BLOC1S2: variants seen among roughly 807,000 people sequenced by gnomAD.
The protein encoded by BLOC1S2 is biogenesis of lysosome-related organelles complex 1 subunit 2.
BLOC1S2 carries 12 observed loss-of-function variants against 19.6 expected under a neutral mutation model. That is an observed-to-expected ratio of 0.61 (90% confidence interval 0.39 to 0.99). BLOC1S2 has a LOEUF of 0.99. Among genes scored for constraint, BLOC1S2 ranks in the 50% least tolerant of loss-of-function variants. The pLI, the probability that BLOC1S2 is intolerant of heterozygous loss-of-function variation, is 0.00. For synonymous variants in BLOC1S2, 66 were observed against 64.1 expected (o/e 1.03, Z -0.14); for missense variants, 142 against 171.0 (o/e 0.83, Z 0.95).
intron 4 of BLOC1S2, among the ~76,000 whole-genome samples, chr10:100,275,925 A>T (rs535580835): frequency 9.2e-5 from 14 of 152,196 alleles, no homozygotes; most frequent in Admixed American, 2.0e-4. Context: ...CCAGGAAAGC[A>T]ATTTTGAAAG....
rs1589644175 is a variant in BLOC1S2, at chr10:100,273,834, T to G, written c.*1628A>C. 3 of 111,402 alleles carry G rather than the reference T, an allele frequency of 2.7e-5. No individual in the cohort carries two copies. The highest frequency in any genetic ancestry group is 1.1e-4 in the African/African-American group (3 of 26,232). The allele number at this position is 111,402 out of a possible 1,614,324, so 6.9% of individuals were successfully genotyped here. Reference sequence around the variant, plus strand: ...CCAGGCGACAGAGCAAGACTTCATCTCAAAAAAAAAAAAAAAATAGATCAA... The same window carrying G: ...CCAGGCGACAGAGCAAGACTTCATCGCAAAAAAAAAAAAAAAATAGATCAA... On this transcript the variant is annotated 3_prime_UTR_variant, in exon 5 of 5. Transcript: ENST00000370372.
At chr10:100,276,334 CCGTCTCCCTCTCCCG>C (rs1847853460) in intron 4 of BLOC1S2, among the ~76,000 whole-genome samples, 1 of 87,022 alleles carries the variant, frequency 1.1e-5, no homozygotes, top group African/African-American at 4.0e-5. Context: ...TCTCTCTCTC[CCGTCTCCCTCTCCCG>C]TCTCCCTCTC....
chr10:100,277,363 C>G (rs1382567584), intron 4 of BLOC1S2, among the ~76,000 whole-genome samples: 4 of 150,858 alleles, frequency 2.7e-5, no homozygotes, highest in African/African-American at 7.3e-5. Flanking sequence ...CCAGCCGCCC[C>G]GTCCGGGAGG....
intron 2 of BLOC1S2, among the ~76,000 whole-genome samples, chr10:100,283,826 G>T (rs1346494843): frequency 6.6e-6 from 1 of 152,210 alleles, no homozygotes; most frequent in African/African-American, 2.4e-5. Context: ...AGTGAGCCGA[G>T]ATTGCACCAC....
At chr10:100,286,580 C>A (rs1848250425) in intron 1 of BLOC1S2, 25 bp downstream of exon 1, 1 of 1,612,644 alleles carries the variant, frequency 6.2e-7, no homozygotes. Context: ...CCACCGGACG[C>A]TTCCTCCCCA....
At chr10:100,277,040 T>C (rs1847901836) in intron 4 of BLOC1S2, among the ~76,000 whole-genome samples, 2 of 135,476 alleles carry the variant, frequency 1.5e-5, no homozygotes, top group East Asian at 2.2e-4. Context: ...CCGGCCGCCA[T>C]CCCACCTGGG....
intron 4 of BLOC1S2, among the ~76,000 whole-genome samples, chr10:100,277,439 C>T (rs1193451800): frequency 2.0e-5 from 3 of 147,356 alleles, no homozygotes; most frequent in Admixed American, 6.7e-5. Context: ...AGCCAGCCAC[C>T]CCGTCCGGGA....
intron 2 of BLOC1S2, among the ~76,000 whole-genome samples, 153 bp downstream of exon 2, chr10:100,285,944 T>C (rs1301322466): frequency 6.6e-6 from 1 of 152,160 alleles, no homozygotes; most frequent in Non-Finnish European, 1.5e-5. Context: ...AGAGTTGTAT[T>C]TTCTTTCTCT....
chr10:100,278,037 C>T (rs1187545502), intron 4 of BLOC1S2, among the ~76,000 whole-genome samples: 2 of 139,746 alleles, frequency 1.4e-5, no homozygotes, highest in Admixed American at 6.9e-5. Flanking sequence ...CCCGGCCAGC[C>T]GCCCCGTCCG....
chr10:100,282,471 G>C (rs2134363251), intron 2 of BLOC1S2, among the ~76,000 whole-genome samples: 2 of 152,262 alleles, frequency 1.3e-5, no homozygotes, highest in South Asian at 4.1e-4. Flanking sequence ...GGACACTACT[G>C]ATCTCCTTCT....
intron 4 of BLOC1S2, among the ~76,000 whole-genome samples, chr10:100,277,628 A>G (rs1299436839): frequency 5.7e-5 from 6 of 105,158 alleles, no homozygotes; most frequent in African/African-American, 1.1e-4. Flanking sequence ...CCCCCTGCCC[A>G]GCCAGCCACC....
At chr10:100,277,742 C>T (rs1174780443) in intron 4 of BLOC1S2, among the ~76,000 whole-genome samples, 1 of 132,752 alleles carries the variant, frequency 7.5e-6, no homozygotes, top group African/African-American at 2.9e-5. Flanking sequence ...GCCGCCCCGT[C>T]CGGGAGGTGA....
intron 4 of BLOC1S2, among the ~76,000 whole-genome samples, chr10:100,277,350 C>T (rs1256113099): frequency 1.3e-5 from 2 of 150,796 alleles, no homozygotes; most frequent in East Asian, 2.0e-4. Flanking sequence ...GCCCCCCGCC[C>T]GGCCAGCCGC....
At chr10:100,277,750 T>C (rs1438779943) in intron 4 of BLOC1S2, among the ~76,000 whole-genome samples, 1 of 85,106 alleles carries the variant, frequency 1.2e-5, no homozygotes, top group Non-Finnish European at 2.4e-5. Flanking sequence ...GTCCGGGAGG[T>C]GAGGGGCGCC....
At chr10:100,286,512 T>C in intron 1 of BLOC1S2, 93 bp downstream of exon 1, 1 of 1,558,346 alleles carries the variant, frequency 6.4e-7, no homozygotes, top group South Asian at 1.2e-5. Context: ...AGCCCGTTCC[T>C]GCCAGGTGAG....
Position 100,273,902 on chromosome 10 carries a change from C to T in BLOC1S2, c.*1560G>A, listed in dbSNP as rs1847787055. The T allele has an allele frequency of 1.3e-5, 2 of 151,252 alleles. No homozygotes were observed. Among genetic ancestry groups the T allele is most frequent in the African/African-American group, 2.4e-5 (1 of 41,118 alleles). 9.4% of individuals were successfully genotyped at this position (151,252 alleles called of 1,614,324 possible). A position where few individuals can be genotyped will look rare whatever the true frequency, so the allele number is the denominator to read the frequency against. On this transcript the variant is annotated 3_prime_UTR_variant, in exon 5 of 5. Transcript: ENST00000370372. The stretch of plus-strand genomic sequence containing the variant: ...AAAAGGGTTGGAAGAAGGGGTAAGA[C>T]TGATTCTATGTTAAGATAGTAGAGT...
chr10:100,278,960 A>G (rs1257151263), intron 4 of BLOC1S2, among the ~76,000 whole-genome samples: 1 of 152,084 alleles, frequency 6.6e-6, no homozygotes, highest in Non-Finnish European at 1.5e-5. Context: ...GATGGTGCAC[A>G]CCTGTAGTCC....
chr10:100,275,991 C>T (rs926668935), intron 4 of BLOC1S2, among the ~76,000 whole-genome samples: 1 of 152,066 alleles, frequency 6.6e-6, no homozygotes, highest in Non-Finnish European at 1.5e-5. Context: ...TTCCGTTTTT[C>T]TATTAAAACC....
At chr10:100,282,884 A>C in intron 2 of BLOC1S2, 1 of 398,628 alleles carries the variant, frequency 2.5e-6, no homozygotes, top group Non-Finnish European at 4.4e-6. Flanking sequence ...ATTCCCTGAC[A>C]TTTTAGCCTA....
Sources: allele counts gnomAD v4.1 joint callset (sites outside exome capture counted in the v4.1 genomes callset), GRCh38; gene constraint gnomAD v4.1.1; transcripts MANE v1.5; gene names NCBI Gene and HGNC (gene_info 2026-07-23, HGNC 2026-07-21).